The following ZNF670 variants were observed in gnomAD, a reference collection of about 807,000 sequenced individuals.
ZNF670 encodes the protein zinc finger protein 670.
A neutral mutation model predicts 10.9 loss-of-function variants in ZNF670; 7 were observed. The observed-to-expected ratio is 0.64, with a 90% confidence interval of 0.36 to 1.20. ZNF670 has a LOEUF of 1.20. Ranked by LOEUF, ZNF670 falls within the 50% of genes most tolerant of loss-of-function variation. The pLI is 0.02. For missense variants in ZNF670, 446 were observed against 458.6 expected (o/e 0.97, Z 0.25); for synonymous variants, 136 against 152.7 (o/e 0.89, Z 0.81).
chr1:247,059,552 C>T (rs1172498064), intron 1 of ZNF670, among the ~76,000 whole-genome samples: 2 of 151,966 alleles, frequency 1.3e-5, no homozygotes, highest in South Asian at 2.1e-4. Flanking sequence ...ATAATCATGG[C>T]TGATTCAAAA....
chr1:247,076,125 G>A (rs1245816762), intron 1 of ZNF670, among the ~76,000 whole-genome samples: 1 of 152,126 alleles, frequency 6.6e-6, no homozygotes, highest in East Asian at 1.9e-4. Flanking sequence ...GCAGAACACA[G>A]ACATCTCTGG....
rs746978429 is a variant in ZNF670, at chr1:247,037,842, G to A, written c.777C>T (p.Gly259=). The A allele has an allele frequency of 9.3e-6, 15 of 1,613,054 alleles. No individual in the cohort carries two copies. Among genetic ancestry groups the A allele is most frequent in the Middle Eastern group, 1.7e-4 (1 of 6,056 alleles). Residue 259 remains glycine, a synonymous_variant, in exon 4 of 4, where the codon GGC becomes GGT. Transcript: ENST00000366503. The stretch of plus-strand genomic sequence containing the variant: ...AGTAAGTGGAACGACTGAAGGCTTT[G>A]CCACATTCCTTACATTCATAGGGTT... The part of the protein sequence containing the change: ...GEKPYECKEC[G]KAFSRSTYLG...
intron 2 of ZNF670, among the ~76,000 whole-genome samples, 195 bp downstream of exon 2, chr1:247,039,216 G>A (rs536115037): frequency 6.6e-6 from 1 of 151,822 alleles, no homozygotes; most frequent in Non-Finnish European, 1.5e-5. Context: ...CTGCTACCAC[G>A]CCTGGCTAAT....
chr1:247,076,293 G>A (rs1671251231), intron 1 of ZNF670, among the ~76,000 whole-genome samples: 1 of 148,338 alleles, frequency 6.7e-6, no homozygotes, highest in South Asian at 2.1e-4. Context: ...GTCTTGCTCT[G>A]TCACCCAGGC....
intron 1 of ZNF670, among the ~76,000 whole-genome samples, chr1:247,067,192 T>C (rs530132940): frequency 1.3e-5 from 2 of 151,782 alleles, no homozygotes; most frequent in Non-Finnish European, 1.5e-5. Flanking sequence ...TCCTAGCACG[T>C]TGGGAAGCCA....
intron 1 of ZNF670, among the ~76,000 whole-genome samples, chr1:247,067,544 T>A (rs1048508553): frequency 1.3e-5 from 2 of 151,320 alleles, no homozygotes; most frequent in African/African-American, 4.9e-5. Context: ...CACATCAAGT[T>A]AAAAAGCTCC....
intron 1 of ZNF670, among the ~76,000 whole-genome samples, chr1:247,053,958 A>G (rs1047683413): frequency 6.6e-6 from 1 of 152,238 alleles, no homozygotes; most frequent in African/African-American, 2.4e-5. Flanking sequence ...AGAGTCCTGA[A>G]TTGCCAACAC....
intron 1 of ZNF670, among the ~76,000 whole-genome samples, chr1:247,074,587 A>G (rs946034756): frequency 2.0e-5 from 3 of 152,148 alleles, no homozygotes; most frequent in Admixed American, 6.6e-5. Flanking sequence ...ATCAGGGATC[A>G]GTTTCATAGA....
rs1670180336 is a variant in ZNF670, at chr1:247,037,272, C to T, written c.*177G>A. 1.5e-6 allele frequency: 1 copy of T among 677,480 alleles called. No homozygotes were observed. Among genetic ancestry groups the T allele is most frequent in the Non-Finnish European group, 2.2e-6 (1 of 449,246 alleles). The allele number at this position is 677,480 out of a possible 1,614,324, so 42.0% of individuals were successfully genotyped here. On this transcript the variant is annotated 3_prime_UTR_variant, in exon 4 of 4. Coordinates refer to ENST00000366503, the MANE Select transcript of ZNF670 (RefSeq NM_033213.5). Reference sequence around the variant, plus strand: ...ATGACGTTCTTTCCCAGGACGGGTCCTTCTAAGTTTTAGAAGGGAACTAGG... The same window carrying T: ...ATGACGTTCTTTCCCAGGACGGGTCTTTCTAAGTTTTAGAAGGGAACTAGG...
At chr1:247,062,136 C>A (rs895913259) in intron 1 of ZNF670, among the ~76,000 whole-genome samples, 2 of 152,022 alleles carry the variant, frequency 1.3e-5, no homozygotes, top group African/African-American at 2.4e-5. Flanking sequence ...CTCCAACATG[C>A]GAAAATGAGA....
chr1:247,037,239 CG>C lies in ZNF670; in HGVS notation c.*209del. ...AAATAAAGTGTTCTAACACATTTTTCGTATTTTATGACGTTCTTTCCCAGGA... is the reference window on the plus strand; with the variant it reads ...AAATAAAGTGTTCTAACACATTTTTCTATTTTATGACGTTCTTTCCCAGGA... On this transcript the variant is annotated 3_prime_UTR_variant, in exon 4 of 4. Transcript: ENST00000366503. The C allele has an allele frequency of 6.2e-6, 3 of 484,148 alleles. 1 individual carries two copies. The South Asian group carries it at 1.5e-4, about 25-fold the overall frequency. The allele number at this position is 484,148 out of a possible 1,614,324, so 30.0% of individuals were successfully genotyped here.
intron 1 of ZNF670, among the ~76,000 whole-genome samples, chr1:247,066,895 C>T (rs1408866665): frequency 2.0e-5 from 3 of 152,196 alleles, no homozygotes; most frequent in Non-Finnish European, 2.9e-5. Context: ...CTCTCTCAAC[C>T]AATTGCCAAT....
chr1:247,060,115 T>TA (rs1217681001), intron 1 of ZNF670, among the ~76,000 whole-genome samples: 1 of 152,102 alleles, frequency 6.6e-6, no homozygotes, highest in Non-Finnish European at 1.5e-5. Flanking sequence ...CATGTTATTT[T>TA]AAAAAAAGAA....
Position 247,035,034 on chromosome 1 carries a change from A to T in ZNF670, c.*2415T>A, listed in dbSNP as rs1352356222. ...GGAAGAGGTGGCAACAGCTGATAAC[A>T]CAAAGCACTGTGTAGACCAAAGTGA... On this transcript the variant is annotated 3_prime_UTR_variant, in exon 4 of 4. Coordinates refer to ENST00000366503, the MANE Select transcript of ZNF670 (RefSeq NM_033213.5). Among the ~76,000 whole-genome samples the T allele has an allele frequency of 6.6e-6, 1 of 152,224 alleles. No individual in the cohort carries two copies.
intron 1 of ZNF670, among the ~76,000 whole-genome samples, chr1:247,045,958 C>T (rs1192736931): frequency 6.6e-6 from 1 of 152,190 alleles, no homozygotes; most frequent in Non-Finnish European, 1.5e-5. Flanking sequence ...AAAGACTTGG[C>T]TGCATTGTGT....
chr1:247,051,207 C>T (rs977219221), intron 1 of ZNF670, among the ~76,000 whole-genome samples: 2 of 150,680 alleles, frequency 1.3e-5, no homozygotes, highest in African/African-American at 4.9e-5. Context: ...ACTTGGGAGG[C>T]TAAGGCAGGA....
chr1:247,059,301 C>T (rs955107533), intron 1 of ZNF670, among the ~76,000 whole-genome samples: 1 of 151,636 alleles, frequency 6.6e-6, no homozygotes, highest in Non-Finnish European at 1.5e-5. Context: ...AAAAAATTAG[C>T]CGGGCGTGGT....
chr1:247,072,149 G>A lies in ZNF670; in HGVS notation c.3+6445C>T, dbSNP rs527652574. 9.5e-4 allele frequency among the ~76,000 whole-genome samples: 141 copies of A among 148,888 alleles called. 1 individual carries two copies. The highest frequency in any genetic ancestry group is 3.8e-3 in the Middle Eastern group (1 of 264). Reference sequence around the variant, plus strand: ...TGGGATTACAGGTGTCAGCCACTGCGCCCAGCCACTTTTTTTTTTTAAACA... The same window carrying A: ...TGGGATTACAGGTGTCAGCCACTGCACCCAGCCACTTTTTTTTTTTAAACA... On this transcript the variant is annotated intron_variant, in intron 1 of 3. Transcript: ENST00000366503.
chr1:247,058,066 G>A (rs142909941), intron 1 of ZNF670, among the ~76,000 whole-genome samples: 1 of 152,262 alleles, frequency 6.6e-6, no homozygotes, highest in East Asian at 1.9e-4. Context: ...CAATTATTAT[G>A]CATTGCATGC....
Sources: gnomAD v4.1 joint callset for allele counts (sites outside exome capture counted in the v4.1 genomes callset) on GRCh38, gnomAD v4.1.1 for gene constraint, MANE v1.5 for transcripts, NCBI Gene and HGNC (gene_info 2026-07-23, HGNC 2026-07-21) for gene names.